Variants in FSIP1 observed in about 807,000 individuals in gnomAD.
FSIP1 encodes the protein fibrous sheath-interacting protein 1.
In FSIP1, 65 loss-of-function variants were observed where a neutral mutation model predicts 60.9. The observed-to-expected ratio is 1.07, with a 90% CI of 0.87 to 1.31. The LOEUF is 1.31. Among genes scored for constraint, FSIP1 ranks in the 40% most tolerant of loss-of-function variants. The pLI is 0.00. For synonymous variants in FSIP1, 209 were observed against 221.2 expected, an observed-to-expected ratio of 0.94 and a Z score of 0.49; for missense variants, 675 against 665.5, an observed-to-expected ratio of 1.01 and a Z score of -0.16.
In FSIP1 at chr15:39,683,392, T is replaced by A. The variant is rs146575056; in HGVS notation, c.1188+30052A>T. 9.7e-3 allele frequency among the ~76,000 whole-genome samples: 1,433 copies of A among 148,202 alleles called. 21 individuals are homozygous for A. Among genetic ancestry groups the A allele is most frequent in the African/African-American group, 0.033 (1,354 of 40,562 alleles). On this transcript the variant is annotated intron_variant, in intron 10 of 11. Coordinates refer to ENST00000350221, the MANE Select transcript of FSIP1 (RefSeq NM_152597.5). ...CAAAATTCAACATACATTCATGATT[T>A]AAAAAAAAAAACTCTCAGCAAATTA...
At chr15:39,780,433 G>C (rs1253104620) in intron 1 of FSIP1, among the ~76,000 whole-genome samples, 1 of 152,192 alleles carries the variant, frequency 6.6e-6, no homozygotes, top group Non-Finnish European at 1.5e-5. Flanking sequence ...GCTAAGGCAG[G>C]AGAATGGCCT....
intron 10 of FSIP1, among the ~76,000 whole-genome samples, chr15:39,697,234 G>A (rs1392854616): frequency 6.6e-6 from 1 of 152,040 alleles, no homozygotes; most frequent in Non-Finnish European, 1.5e-5. Context: ...CACAAAGTGT[G>A]TTTCTAGATA....
At chr15:39,673,947 TATAA>T (rs1421796970) in intron 10 of FSIP1, among the ~76,000 whole-genome samples, 3 of 152,188 alleles carry the variant, frequency 2.0e-5, no homozygotes, top group African/African-American at 4.8e-5. Context: ...AAGGATGTCA[TATAA>T]ATAGATTCAT....
intron 10 of FSIP1, among the ~76,000 whole-genome samples, chr15:39,684,975 G>A (rs113754613): frequency 2.0e-5 from 3 of 152,154 alleles, no homozygotes; most frequent in Non-Finnish European, 2.9e-5. Context: ...ATCTGGCTCC[G>A]TACTTGCCTC....
intron 8 of FSIP1, among the ~76,000 whole-genome samples, chr15:39,735,018 T>C (rs150367594): frequency 5.3e-5 from 8 of 152,348 alleles, no homozygotes; most frequent in African/African-American, 1.7e-4. Flanking sequence ...ATTCCTAGAA[T>C]GTATCAAGAA....
At chr15:39,770,271 ATTGC>A (rs1897835122) in intron 3 of FSIP1, among the ~76,000 whole-genome samples, 152 bp downstream of exon 3, 1 of 152,330 alleles carries the variant, frequency 6.6e-6, no homozygotes, top group African/African-American at 2.4e-5. Context: ...ATAAAAAGTG[ATTGC>A]TTGCTCACAA....
chr15:39,670,304 C>T (rs928481474), intron 10 of FSIP1, among the ~76,000 whole-genome samples: 2 of 152,124 alleles, frequency 1.3e-5, no homozygotes, highest in African/African-American at 2.4e-5. Flanking sequence ...AGAGCTATTC[C>T]GATAGTGGTT....
chr15:39,752,404 T>C (rs547855529), intron 5 of FSIP1, among the ~76,000 whole-genome samples: 1 of 152,088 alleles, frequency 6.6e-6, no homozygotes, highest in South Asian at 2.1e-4. Context: ...TGGGGAAATA[T>C]GGTAACTTAC....
At chr15:39,707,267 G>GCTA (rs1895312680) in intron 10 of FSIP1, among the ~76,000 whole-genome samples, 1 of 152,052 alleles carries the variant, frequency 6.6e-6, no homozygotes, top group African/African-American at 2.4e-5. Flanking sequence ...CCTCCCCTGG[G>GCTA]CTACCTGATT....
intron 10 of FSIP1, among the ~76,000 whole-genome samples, chr15:39,643,874 AT>A (rs1160620787): frequency 6.6e-6 from 1 of 152,170 alleles, no homozygotes; most frequent in African/African-American, 2.4e-5. Flanking sequence ...TATCAATCAC[AT>A]TTTTCAACCT....
chr15:39,753,397 A>G (rs565894544), intron 5 of FSIP1, among the ~76,000 whole-genome samples: 1 of 148,870 alleles, frequency 6.7e-6, no homozygotes, highest in African/African-American at 2.6e-5. Flanking sequence ...TTCACCCCCT[A>G]TACCATAACA....
intron 2 of FSIP1, among the ~76,000 whole-genome samples, chr15:39,772,500 G>A (rs576451182): frequency 6.6e-6 from 1 of 152,118 alleles, no homozygotes; most frequent in South Asian, 2.1e-4. Flanking sequence ...TCACCATATT[G>A]CCTAGGCTGG....
At chr15:39,634,140 A>C (rs1892028576) in intron 10 of FSIP1, among the ~76,000 whole-genome samples, 1 of 150,094 alleles carries the variant, frequency 6.7e-6, no homozygotes, top group African/African-American at 2.5e-5. Flanking sequence ...CAATCTCCCC[A>C]CTCTCTTTTG....
intron 9 of FSIP1, among the ~76,000 whole-genome samples, chr15:39,721,863 A>T (rs1283217625): frequency 1.3e-5 from 2 of 152,244 alleles, no homozygotes; most frequent in Non-Finnish European, 2.9e-5. Context: ...GGATTTTTAT[A>T]GGAATTTACC....
chr15:39,613,611 C>T (rs1347030962), intron 11 of FSIP1, among the ~76,000 whole-genome samples: 1 of 151,820 alleles, frequency 6.6e-6, no homozygotes, highest in Non-Finnish European at 1.5e-5. Context: ...TTTACAAGAC[C>T]AGCATTACCC....
intron 10 of FSIP1, among the ~76,000 whole-genome samples, chr15:39,684,012 AC>A (rs1322767369): frequency 6.6e-6 from 1 of 152,238 alleles, no homozygotes; most frequent in Non-Finnish European, 1.5e-5. Flanking sequence ...ATCTGTTCTC[AC>A]CAAACTTATC....
intron 10 of FSIP1, among the ~76,000 whole-genome samples, chr15:39,643,317 C>T (rs1015757137): frequency 6.6e-6 from 1 of 152,130 alleles, no homozygotes; most frequent in African/African-American, 2.4e-5. Flanking sequence ...TTCCTTCTTA[C>T]GGTTTCAAAA....
intron 10 of FSIP1, among the ~76,000 whole-genome samples, chr15:39,670,958 G>C (rs910940793): frequency 6.6e-6 from 1 of 152,174 alleles, no homozygotes; most frequent in African/African-American, 2.4e-5. Context: ...ACTCAGGCCA[G>C]AGGGAGGCTG....
intron 10 of FSIP1, among the ~76,000 whole-genome samples, chr15:39,705,690 A>G (rs1895235289): frequency 1.3e-5 from 2 of 152,096 alleles, no homozygotes; most frequent in Non-Finnish European, 1.5e-5. Flanking sequence ...TTCGTATCAT[A>G]TATTTTCAAT....
Sources: allele counts gnomAD v4.1 joint callset (sites outside exome capture counted in the v4.1 genomes callset), GRCh38; gene constraint gnomAD v4.1.1; transcripts MANE v1.5; gene names NCBI Gene and HGNC (gene_info 2026-07-23, HGNC 2026-07-21).